Variants in SORCS1 observed in about 807,000 individuals in gnomAD.
SORCS1 encodes VPS10 domain-containing receptor SorCS1.
In SORCS1, 60 loss-of-function variants were observed where a neutral mutation model predicts 146.1. That is an observed-to-expected ratio of 0.41 (90% confidence interval 0.33 to 0.51). The LOEUF (loss-of-function observed/expected upper bound fraction) is 0.51. Ranked by LOEUF, SORCS1 falls within the 20% of genes least tolerant of loss-of-function variation. The pLI, the probability that SORCS1 is intolerant of heterozygous loss-of-function variation, is 0.21. For synonymous variants in SORCS1, 637 were observed against 584.0 expected (o/e 1.09, Z -1.31); for missense variants, 1,352 against 1,487.6 (o/e 0.91, Z 1.50).
At chr10:106,764,762 G>T (rs928833650) in intron 4 of SORCS1, among the ~76,000 whole-genome samples, 2 of 152,096 alleles carry the variant, frequency 1.3e-5, no homozygotes, top group Non-Finnish European at 2.9e-5. Flanking sequence ...GGTGGCTCAC[G>T]CCTGTAATCC....
chr10:107,163,538 T>G (rs1360485735), intron 1 of SORCS1, among the ~76,000 whole-genome samples: 1 of 152,210 alleles, frequency 6.6e-6, no homozygotes, highest in Non-Finnish European at 1.5e-5. Flanking sequence ...CGCCTACATA[T>G]ATGGGTCTTC....
the SORCS1 span, among the ~76,000 whole-genome samples, chr10:107,179,487 TG>T: frequency 6.6e-6 from 1 of 152,210 alleles, no homozygotes; most frequent in East Asian, 1.9e-4. Flanking sequence ...ATAAACCTCT[TG>T]AGAATGGCAT....
intron 2 of SORCS1, among the ~76,000 whole-genome samples, chr10:106,847,820 T>C: frequency 7.4e-6 from 1 of 134,710 alleles, no homozygotes; most frequent in Non-Finnish European, 1.7e-5. Context: ...ACATCTTTAC[T>C]TCTGTCTTCA....
intron 5 of SORCS1, among the ~76,000 whole-genome samples, chr10:106,745,087 G>T (rs982864613): frequency 6.6e-6 from 1 of 152,098 alleles, no homozygotes; most frequent in South Asian, 2.1e-4. Context: ...CAGAGCCAGG[G>T]CAGAGGGACA....
At chr10:106,642,075 C>A in intron 18 of SORCS1, among the ~76,000 whole-genome samples, 1 of 152,070 alleles carries the variant, frequency 6.6e-6, no homozygotes, top group East Asian at 1.9e-4. Flanking sequence ...CCTCAGGTCT[C>A]TAATGGTTTA....
chr10:106,738,682 G>C (rs922885510), intron 5 of SORCS1, among the ~76,000 whole-genome samples: 1 of 152,142 alleles, frequency 6.6e-6, no homozygotes, highest in East Asian at 1.9e-4. Flanking sequence ...CAGACTAGAG[G>C]GTAGAACAAA....
intron 8 of SORCS1, among the ~76,000 whole-genome samples, chr10:106,705,577 G>T (rs1246185898): frequency 6.6e-6 from 1 of 152,154 alleles, no homozygotes; most frequent in African/African-American, 2.4e-5. Flanking sequence ...CAACCCAAAG[G>T]CTTCAAAGTT....
chr10:107,055,492 CA>C, intron 1 of SORCS1, among the ~76,000 whole-genome samples: 2 of 152,290 alleles, frequency 1.3e-5, no homozygotes, highest in East Asian at 1.9e-4. Flanking sequence ...TTTAAAAAAG[CA>C]AAGCCAGTCT....
chr10:106,699,360 C>T lies in SORCS1; in HGVS notation c.1267G>A (p.Val423Met), dbSNP rs1853954949. The T allele has an allele frequency of 6.2e-7, 1 of 1,613,538 alleles. No individual in the cohort carries two copies. Among genetic ancestry groups the T allele is most frequent in the African/African-American group, 1.3e-5 (1 of 75,010 alleles). The change falls in exon 9 of 26, where the codon GTG becomes ATG. Residue 423 changes from valine to methionine, a missense_variant. Transcript: ENST00000263054. ...TTCCATTCTTGGACCGCTGCGAACA[C>T]CTGATTCTCATCGGTGCTGATAACA... ...MHVISTDENQVFAAVQEWNQN... is the reference protein window; with the variant it reads ...MHVISTDENQMFAAVQEWNQN...
intron 3 of SORCS1, among the ~76,000 whole-genome samples, chr10:106,828,243 A>T (rs548590840): frequency 1.3e-5 from 2 of 152,172 alleles, no homozygotes; most frequent in African/African-American, 4.8e-5. Flanking sequence ...TGCTCAACTG[A>T]AAAGTTATGC....
intron 1 of SORCS1, among the ~76,000 whole-genome samples, chr10:107,043,902 G>T (rs1042694527): frequency 3.9e-5 from 6 of 152,180 alleles, no homozygotes; most frequent in Non-Finnish European, 8.8e-5. Context: ...CGAAAGTCCT[G>T]CTCACTTCAC....
At chr10:106,719,553 T>C (rs1437553100) in intron 6 of SORCS1, among the ~76,000 whole-genome samples, 3 of 151,932 alleles carry the variant, frequency 2.0e-5, no homozygotes, top group Non-Finnish European at 4.4e-5. Context: ...GCTGGGACTA[T>C]AGACAAGTAA....
intron 1 of SORCS1, among the ~76,000 whole-genome samples, chr10:107,127,126 A>G (rs11193208): frequency 0.034 from 5,200 of 152,106 alleles, 217 homozygotes; most frequent in African/African-American, 0.097. Flanking sequence ...TAAAACAAAA[A>G]AAAATGCTCA....
chr10:106,747,682 T>G (rs899108722), intron 5 of SORCS1, among the ~76,000 whole-genome samples: 2 of 152,208 alleles, frequency 1.3e-5, no homozygotes, highest in Non-Finnish European at 2.9e-5. Context: ...AAAATGTACT[T>G]AAAGATACAA....
intron 18 of SORCS1, among the ~76,000 whole-genome samples, chr10:106,629,598 A>G (rs932033478): frequency 6.6e-6 from 1 of 152,184 alleles, no homozygotes; most frequent in Non-Finnish European, 1.5e-5. Flanking sequence ...TACACTCCAA[A>G]TCTGAAGGAC....
chr10:106,852,738 C>G (rs1456037271), intron 2 of SORCS1, among the ~76,000 whole-genome samples: 2 of 151,404 alleles, frequency 1.3e-5, no homozygotes. Context: ...TTTCCCTCAT[C>G]TATTGGTATA....
intron 1 of SORCS1, among the ~76,000 whole-genome samples, chr10:107,095,496 T>G (rs1590124567): frequency 1.3e-5 from 2 of 152,212 alleles, no homozygotes; most frequent in Admixed American, 1.3e-4. Context: ...TAAGTGTCTG[T>G]TCTAAAGAGT....
chr10:107,077,233 A>G (rs983560610), intron 1 of SORCS1, among the ~76,000 whole-genome samples: 10 of 152,104 alleles, frequency 6.6e-5, no homozygotes, highest in Non-Finnish European at 1.2e-4. Context: ...AGTTTTGAAA[A>G]TAATTATTTA....
intron 5 of SORCS1, among the ~76,000 whole-genome samples, chr10:106,740,145 G>T (rs1162558268): frequency 2.0e-5 from 3 of 152,078 alleles, no homozygotes; most frequent in African/African-American, 4.8e-5. Flanking sequence ...TTGTGGAAAT[G>T]CAGTACAGTA....
Sources: gnomAD v4.1 joint callset for allele counts (sites outside exome capture counted in the v4.1 genomes callset) on GRCh38, gnomAD v4.1.1 for gene constraint, MANE v1.5 for transcripts, NCBI Gene and HGNC (gene_info 2026-07-23, HGNC 2026-07-21) for gene names.